GRAMD1B: variants seen among roughly 807,000 people sequenced by gnomAD.
GRAMD1B encodes protein Aster-B.
In GRAMD1B, 37 loss-of-function variants were observed where a neutral mutation model predicts 99.7. That is an observed-to-expected ratio of 0.37 (90% CI 0.29 to 0.49). The LOEUF is 0.49. Ranked by LOEUF, GRAMD1B falls within the 20% of genes least tolerant of loss-of-function variation. The probability of loss-of-function intolerance (pLI) is 0.98; values close to 1 mark genes in which losing one functional copy is unlikely to be tolerated. For synonymous variants in GRAMD1B, 427 were observed against 387.6 expected, an observed-to-expected ratio of 1.10 and a Z score of -1.19; for missense variants, 888 against 1,009.2, an observed-to-expected ratio of 0.88 and a Z score of 1.63.
chr11:123,400,464 C>T (rs530600742), intron 1 of GRAMD1B, among the ~76,000 whole-genome samples: 2 of 152,180 alleles, frequency 1.3e-5, no homozygotes, highest in South Asian at 4.2e-4. Context: ...GCAACAAGAG[C>T]GAAACTCTGT....
intron 1 of GRAMD1B, among the ~76,000 whole-genome samples, chr11:123,424,613 TC>T (rs1284247993): frequency 6.6e-6 from 1 of 152,232 alleles, no homozygotes; most frequent in Non-Finnish European, 1.5e-5. Flanking sequence ...GAGTTTTCAC[TC>T]CTCAATGCTT....
At position 123,389,272 on chromosome 11, in the gene GRAMD1B, T is replaced by C. The variant is rs202134262; in HGVS notation, c.-176+30473T>C. On this transcript the variant is annotated intron_variant, in intron 1 of 20. Coordinates refer to the GRAMD1B transcript ENST00000638157. ...GGTGGTGGGCACCTGTAGTCCCAGC[T>C]ACTTGGGAGGCTGAAGTAGGAGAAT... Among the ~76,000 whole-genome samples the C allele has an allele frequency of 5.9e-5, 9 of 151,776 alleles. No individual in the cohort carries two copies. The East Asian group carries it at 1.7e-3, about 29-fold the overall frequency.
intron 1 of GRAMD1B, among the ~76,000 whole-genome samples, chr11:123,361,808 A>G (rs1307872934): frequency 6.6e-6 from 1 of 152,208 alleles, no homozygotes; most frequent in South Asian, 2.1e-4. Flanking sequence ...TGCATAATGA[A>G]TGGACGTTGC....
Position 123,603,526 on chromosome 11 carries a change from A to T in GRAMD1B, c.1151A>T (p.Asp384Val). ...DDEDYVPPDD[D>V]FNTMGYCEEI... is the part of the protein sequence containing the mutation. The stretch of plus-strand genomic sequence containing the variant: ...GAGGACTACGTGCCCCCTGACGACG[A>T]CTTCAACACAATGGGGTGAGTGAGG... Residue 384 changes from aspartate (D) to valine (V), a missense_variant, in exon 9 of 20, where the codon GAC (aspartate) becomes GTC (valine). By Grantham distance (152) the Asp-to-Val change is radical. Coordinates refer to ENST00000635736, the MANE Select transcript of GRAMD1B (RefSeq NM_001387025.1). 1 of 1,610,168 alleles carries T rather than the reference A, an allele frequency of 6.2e-7. No individual in the cohort carries two copies. Among genetic ancestry groups the T allele is most frequent in the South Asian group, 1.1e-5 (1 of 91,010 alleles).
chr11:123,583,320 ATG>A (rs961721924), intron 3 of GRAMD1B, among the ~76,000 whole-genome samples: 68 of 132,432 alleles, frequency 5.1e-4, no homozygotes, highest in African/African-American at 1.6e-3. Context: ...GCACGTGTGG[ATG>A]TGTGTGCATG....
At chr11:123,579,665 G>A (rs1949116781) in intron 3 of GRAMD1B, among the ~76,000 whole-genome samples, 1 of 152,116 alleles carries the variant, frequency 6.6e-6, no homozygotes, top group African/African-American at 2.4e-5. Context: ...TGGCAAGAGG[G>A]TGGATATGGC....
In GRAMD1B at chr11:123,583,241, CTG is replaced by C. The variant is rs533183456; in HGVS notation, c.664-1066_664-1065del. 3.9e-3 allele frequency among the ~76,000 whole-genome samples: 546 copies of C among 138,680 alleles called. 5 individuals are homozygous for C. The highest frequency in any genetic ancestry group is 0.013 in the Admixed American group (187 of 13,982). 91.0% of individuals were successfully genotyped at this position (138,680 alleles called of 152,430 possible). On this transcript the variant is annotated intron_variant, in intron 3 of 19. Transcript: ENST00000635736. ...GTGTGTGGTGTGTATGTGTGCATGT[CTG>C]TGTGAATGTGTGTGCACATGCGCAT... is the stretch of plus-strand genomic sequence containing the variant.
chr11:123,617,604 A>G (rs1334396223), intron 17 of GRAMD1B, among the ~76,000 whole-genome samples: 1 of 152,146 alleles, frequency 6.6e-6, no homozygotes, highest in African/African-American at 2.4e-5. Context: ...TTTACAATAT[A>G]TTCCCTTTCA....
At chr11:123,615,482 G>T (rs1275064) in intron 17 of GRAMD1B, among the ~76,000 whole-genome samples, 5 of 151,848 alleles carry the variant, frequency 3.3e-5, no homozygotes, top group Admixed American at 2.0e-4. Flanking sequence ...GTCAGGAGAT[G>T]GACAGCATCC....
intron 2 of GRAMD1B, chr11:123,559,726 T>C (rs904101419): frequency 7.2e-6 from 7 of 977,874 alleles, no homozygotes; most frequent in Non-Finnish European, 8.5e-6. Context: ...TCTTGCTGTC[T>C]GTGAGAGCCT....
rs1174908248 is a variant in GRAMD1B, at chr11:123,624,111, G to A, written c.*1516G>A. ...GTCCCACCAGCTCCAGGCAGAGCTT[G>A]TGGAGATTCATGAAAGAGTCATAGC... On this transcript the variant is annotated 3_prime_UTR_variant, in exon 20 of 20. Transcript: ENST00000635736. 1 of 152,204 alleles carries A rather than the reference G, an allele frequency of 6.6e-6. No individual in the cohort carries two copies. Among genetic ancestry groups the A allele is most frequent in the Non-Finnish European group, 1.5e-5 (1 of 68,048 alleles). 9.4% of individuals were successfully genotyped at this position (152,204 alleles called of 1,614,324 possible).
At chr11:123,386,916 G>A (rs572370653) in intron 1 of GRAMD1B, among the ~76,000 whole-genome samples, 40 of 152,326 alleles carry the variant, frequency 2.6e-4, no homozygotes, top group African/African-American at 9.4e-4. Flanking sequence ...GTCCATAAGT[G>A]GAGGAAGATG....
In GRAMD1B at chr11:123,606,617, G is replaced by T. The variant is rs759359467; in HGVS notation, c.1332G>T (p.Gly444=). 6.2e-7 allele frequency: 1 copy of T among 1,609,552 alleles called. No homozygotes were observed. The highest frequency in any genetic ancestry group is 8.5e-7 in the Non-Finnish European group (1 of 1,178,228). ...GSSEAPVSFD[G]LPLEEEALEG... ...CTCTGTCTTGGCTCCAGTTTGATGG[G>T]CTGCCCCTGGAGGAAGAGGCGCTGG... Residue 444 remains glycine (G), a synonymous_variant, in exon 11 of 20, where the codon GGG becomes GGT. Transcript: ENST00000635736.
chr11:123,464,706 G>A (rs546239213), intron 1 of GRAMD1B, among the ~76,000 whole-genome samples: 42 of 152,266 alleles, frequency 2.8e-4, no homozygotes, highest in African/African-American at 8.7e-4. Context: ...CAGCCAAGGT[G>A]GTACTGATAT....
intron 2 of GRAMD1B, among the ~76,000 whole-genome samples, chr11:123,576,788 T>C (rs573471780): frequency 4.6e-5 from 7 of 152,340 alleles, no homozygotes; most frequent in Non-Finnish European, 1.0e-4. Flanking sequence ...ACAGTGGGCA[T>C]TTAGCTTCCC....
rs1955527651 is a variant in GRAMD1B, at chr11:123,626,726, A to G, written c.*4131A>G. ...CTATGGGACAATCATCCCATTCACC[A>G]CTTGACATCCTTGACATCCTTGACT... On this transcript the variant is annotated 3_prime_UTR_variant, in exon 20 of 20. Coordinates refer to ENST00000635736, the MANE Select transcript of GRAMD1B (RefSeq NM_001387025.1). The G allele has an allele frequency of 6.6e-6, 1 of 152,208 alleles. No individual in the cohort carries two copies. The highest frequency in any genetic ancestry group is 1.9e-4 in the East Asian group (1 of 5,194). The allele number at this position is 152,208 out of a possible 1,614,324, so 9.4% of individuals were successfully genotyped here. A position where few individuals can be genotyped will look rare whatever the true frequency, so the allele number is the denominator to read the frequency against.
intron 2 of GRAMD1B, among the ~76,000 whole-genome samples, chr11:123,553,813 C>G (rs1418515227): frequency 6.6e-6 from 1 of 152,178 alleles, no homozygotes; most frequent in East Asian, 1.9e-4. Flanking sequence ...AGCATTAATT[C>G]AGGAAAGAGT....
intron 2 of GRAMD1B, among the ~76,000 whole-genome samples, chr11:123,507,619 T>C (rs2714071): frequency 0.52 from 79,086 of 152,074 alleles, 21,229 homozygotes; most frequent in Middle Eastern, 0.57. Flanking sequence ...TGAACATGAG[T>C]AAATTCATTT....
At chr11:123,540,034 C>A (rs1944351160) in intron 2 of GRAMD1B, among the ~76,000 whole-genome samples, 1 of 151,392 alleles carries the variant, frequency 6.6e-6, no homozygotes, top group Non-Finnish European at 1.5e-5. Flanking sequence ...CATATTAAAT[C>A]TTCTCTAAGA....
Sources: allele counts gnomAD v4.1 joint callset (sites outside exome capture counted in the v4.1 genomes callset), GRCh38; gene constraint gnomAD v4.1.1; transcripts MANE v1.5; gene names NCBI Gene and HGNC (gene_info 2026-07-23, HGNC 2026-07-21).